Variants in CNTNAP2 observed in about 807,000 individuals in gnomAD.
The protein encoded by CNTNAP2 is contactin associated protein 2.
Under a neutral mutation model 155.2 loss-of-function variants are expected in CNTNAP2, and 98 were observed. The observed-to-expected ratio is 0.63, with a 90% confidence interval of 0.54 to 0.75. CNTNAP2 has a LOEUF of 0.75. Ranked by LOEUF, CNTNAP2 falls within the 30% of genes least tolerant of loss-of-function variation. CNTNAP2 has a pLI of 0.00. For missense variants in CNTNAP2, 1,727 were observed against 1,688.1 expected, an observed-to-expected ratio of 1.02 and a Z score of -0.40; for synonymous variants, 651 against 631.2, an observed-to-expected ratio of 1.03 and a Z score of -0.47.
chr7:146,530,048 C>T (rs1797746499), intron 1 of CNTNAP2, among the ~76,000 whole-genome samples: 1 of 152,050 alleles, frequency 6.6e-6, no homozygotes, highest in Non-Finnish European at 1.5e-5. Context: ...TCTTGTAAAA[C>T]AAAAGGAAAC....
At chr7:147,837,091 A>G (rs117567158) in intron 13 of CNTNAP2, among the ~76,000 whole-genome samples, 4,601 of 152,252 alleles carry the variant, frequency 0.03, 106 homozygotes, top group Non-Finnish European at 0.046. Flanking sequence ...ATAATCAATA[A>G]GCATGTTGGG....
At chr7:148,325,902 C>T (rs566850601) in intron 21 of CNTNAP2, among the ~76,000 whole-genome samples, 26 of 152,094 alleles carry the variant, frequency 1.7e-4, no homozygotes, top group Non-Finnish European at 3.4e-4. Flanking sequence ...GGTTCATGGA[C>T]GGCTCTACCA....
At chr7:147,822,623 C>T (rs373789303) in intron 13 of CNTNAP2, among the ~76,000 whole-genome samples, 65 of 152,194 alleles carry the variant, frequency 4.3e-4, no homozygotes, top group Middle Eastern at 3.4e-3. Context: ...TATTTACCCA[C>T]CTCAGCTGTG....
chr7:146,472,420 G>A (rs562370835), intron 1 of CNTNAP2, among the ~76,000 whole-genome samples: 30 of 152,298 alleles, frequency 2.0e-4, no homozygotes, highest in South Asian at 1.0e-3. Context: ...AACATAATAT[G>A]TAGCCTCAAA....
At chr7:147,408,123 G>A (rs1797040452) in intron 10 of CNTNAP2, among the ~76,000 whole-genome samples, 1 of 152,128 alleles carries the variant, frequency 6.6e-6, no homozygotes, top group African/African-American at 2.4e-5. Context: ...TAAACTTATG[G>A]ATTCTACTTT....
intron 21 of CNTNAP2, among the ~76,000 whole-genome samples, chr7:148,333,468 A>T (rs1263284445): frequency 1.3e-5 from 2 of 152,076 alleles, no homozygotes; most frequent in Non-Finnish European, 2.9e-5. Flanking sequence ...GGTGAAGTTA[A>T]TTGACTGGGA....
intron 8 of CNTNAP2, among the ~76,000 whole-genome samples, chr7:147,287,741 C>T (rs929037889): frequency 6.6e-6 from 1 of 152,072 alleles, no homozygotes; most frequent in Non-Finnish European, 1.5e-5. Context: ...CGACTCCCTC[C>T]CCCAGTCTCT....
chr7:146,385,057 C>T (rs752117738), intron 1 of CNTNAP2, among the ~76,000 whole-genome samples: 25 of 152,196 alleles, frequency 1.6e-4, no homozygotes, highest in Middle Eastern at 3.4e-3. Context: ...ATCAAAGTGG[C>T]GCAGCATATA....
intron 12 of CNTNAP2, among the ~76,000 whole-genome samples, chr7:147,587,978 G>T (rs1044867398): frequency 1.3e-5 from 2 of 152,018 alleles, no homozygotes; most frequent in Admixed American, 1.3e-4. Context: ...CTGAGCCTTT[G>T]TTTTCCTGTT....
At chr7:147,578,851 C>T (rs548553950) in intron 12 of CNTNAP2, among the ~76,000 whole-genome samples, 4 of 146,272 alleles carry the variant, frequency 2.7e-5, no homozygotes, top group East Asian at 1.9e-4. Context: ...ACAACTTTTC[C>T]GTCTTTTGCC....
At chr7:147,098,003 T>G (rs1237367654) in intron 4 of CNTNAP2, among the ~76,000 whole-genome samples, 1 of 152,206 alleles carries the variant, frequency 6.6e-6, no homozygotes, top group Non-Finnish European at 1.5e-5. Flanking sequence ...AAATTCTGTG[T>G]AGTGATAATG....
chr7:146,453,890 A>G (rs570067447), intron 1 of CNTNAP2, among the ~76,000 whole-genome samples: 7 of 152,296 alleles, frequency 4.6e-5, no homozygotes, highest in South Asian at 4.1e-4. Context: ...CAAAAAATTA[A>G]CAGAGCATCA....
intron 3 of CNTNAP2, among the ~76,000 whole-genome samples, chr7:146,903,806 G>A (rs112807863): frequency 0.036 from 5,537 of 152,134 alleles, 120 homozygotes; most frequent in Middle Eastern, 0.085. Context: ...CTCTTGCCCC[G>A]CATAGTGACT....
chr7:146,669,999 G>T (rs1800273301), intron 1 of CNTNAP2, among the ~76,000 whole-genome samples: 1 of 152,054 alleles, frequency 6.6e-6, no homozygotes, highest in East Asian at 1.9e-4. Flanking sequence ...TTAATGTTTT[G>T]TTCAAAGAGA....
At chr7:146,118,325 C>T (rs1584757811) in intron 1 of CNTNAP2, among the ~76,000 whole-genome samples, 1 of 152,000 alleles carries the variant, frequency 6.6e-6, no homozygotes, top group Non-Finnish European at 1.5e-5. Flanking sequence ...TTTTTTATAA[C>T]ACAAGTTAAA....
intron 3 of CNTNAP2, among the ~76,000 whole-genome samples, chr7:146,903,308 A>G (rs75829741): frequency 0.012 from 1,800 of 152,216 alleles, 29 homozygotes; most frequent in African/African-American, 0.042. Flanking sequence ...AAACACCATT[A>G]CTATGCTGAA....
At chr7:146,774,565 A>G (rs895466967) in intron 2 of CNTNAP2, among the ~76,000 whole-genome samples, 184 bp downstream of exon 2, 4 of 152,216 alleles carry the variant, frequency 2.6e-5, no homozygotes, top group Non-Finnish European at 1.5e-5. Flanking sequence ...TTGAAATAAC[A>G]TAGGAAAACT....
At chr7:146,870,823 A>G (rs1795290487) in intron 3 of CNTNAP2, among the ~76,000 whole-genome samples, 2 of 152,170 alleles carry the variant, frequency 1.3e-5, no homozygotes, top group Admixed American at 1.3e-4. Context: ...TTCTTTTACT[A>G]TATTAATGCT....
rs74488465 is a variant in CNTNAP2, at chr7:147,404,769, A to C, written c.1670+8989A>C. Among the ~76,000 whole-genome samples, 1,316 of 152,306 alleles carry C rather than the reference A, an allele frequency of 8.6e-3. 22 individuals carry two copies. The highest frequency in any genetic ancestry group is 0.03 in the African/African-American group (1,258 of 41,554). The stretch of plus-strand genomic sequence containing the variant: ...TAAGCCATGGGCATCTTTCTAGCAC[A>C]AAAACATCAGCTCAATGACCTAAAA... On this transcript the variant is annotated intron_variant, in intron 10 of 23. Coordinates refer to ENST00000361727, the MANE Select transcript of CNTNAP2 (RefSeq NM_014141.6).
Sources: gnomAD v4.1 joint callset for allele counts (sites outside exome capture counted in the v4.1 genomes callset) on GRCh38, gnomAD v4.1.1 for gene constraint, MANE v1.5 for transcripts, NCBI Gene and HGNC (gene_info 2026-07-23, HGNC 2026-07-21) for gene names.